PTPRN2: variants seen among roughly 807,000 people sequenced by gnomAD.
PTPRN2 encodes the protein receptor-type tyrosine-protein phosphatase N2.
PTPRN2 carries 74 observed loss-of-function variants against 118.8 expected under a neutral mutation model. That is an observed-to-expected ratio of 0.62 (90% confidence interval 0.52 to 0.76). PTPRN2 has a LOEUF of 0.76. Ranked by LOEUF, PTPRN2 falls within the 30% of genes least tolerant of loss-of-function variation. PTPRN2 has a pLI of 0.00. For synonymous variants in PTPRN2, 641 were observed against 608.0 expected (o/e 1.05, Z -0.80); for missense variants, 1,481 against 1,394.4 (o/e 1.06, Z -0.99).
intron 1 of PTPRN2, among the ~76,000 whole-genome samples, chr7:158,577,066 TG>T (rs1828370053): frequency 1.4e-5 from 2 of 139,930 alleles, no homozygotes; most frequent in South Asian, 2.4e-4. Context: ...CACTGAGGGC[TG>T]CCCACCCTGC....
At chr7:158,317,477 G>A (rs998788548) in intron 2 of PTPRN2, among the ~76,000 whole-genome samples, 1 of 152,212 alleles carries the variant, frequency 6.6e-6, no homozygotes, top group Admixed American at 6.5e-5. Context: ...GGACTAATGG[G>A]GACTAATTTA....
intron 2 of PTPRN2, among the ~76,000 whole-genome samples, chr7:158,369,260 TACAC>T (rs1053762062): frequency 7.2e-5 from 2 of 27,588 alleles, no homozygotes; most frequent in African/African-American, 1.2e-4. Flanking sequence ...TATATATATA[TACAC>T]ACATACACAC....
chr7:158,465,187 A>C lies in PTPRN2; in HGVS notation c.163+24548T>G, dbSNP rs80078375. 3.0e-3 allele frequency among the ~76,000 whole-genome samples: 461 copies of C among 152,268 alleles called. 2 individuals carry two copies. The highest frequency in any genetic ancestry group is 0.01 in the African/African-American group (422 of 41,554). Reference sequence around the variant, plus strand: ...GATACTAAGAGTGCCCATCTTGCAGAGTTTGTGCGAAGTGACACTCTGGTG... The same window carrying C: ...GATACTAAGAGTGCCCATCTTGCAGCGTTTGTGCGAAGTGACACTCTGGTG... On this transcript the variant is annotated intron_variant, in intron 2 of 22. Coordinates refer to ENST00000389418, the MANE Select transcript of PTPRN2 (RefSeq NM_002847.5).
At chr7:158,151,515 C>CTCCCT (rs1821147439) in intron 6 of PTPRN2, among the ~76,000 whole-genome samples, 1 of 12,080 alleles carries the variant, frequency 8.3e-5, no homozygotes, top group Non-Finnish European at 1.9e-4. Context: ...TTCTGCTCCT[C>CTCCCT]ACCGCACGTC....
intron 19 of PTPRN2, among the ~76,000 whole-genome samples, chr7:157,575,313 C>T (rs1799972504): frequency 6.6e-6 from 1 of 152,148 alleles, no homozygotes; most frequent in Non-Finnish European, 1.5e-5. Flanking sequence ...TCCGTATTGA[C>T]AGAATGTACA....
chr7:158,261,252 G>A (rs1461881975), intron 3 of PTPRN2, among the ~76,000 whole-genome samples: 1 of 152,140 alleles, frequency 6.6e-6, no homozygotes, highest in South Asian at 2.1e-4. Context: ...AAGCAGGCCG[G>A]GCAGCGGGAA....
At chr7:157,866,670 C>T (rs1044030693) in intron 12 of PTPRN2, among the ~76,000 whole-genome samples, 2 of 152,042 alleles carry the variant, frequency 1.3e-5, no homozygotes, top group Admixed American at 6.5e-5. Context: ...GGCTGTCTGG[C>T]CCGAGTCCCA....
intron 6 of PTPRN2, among the ~76,000 whole-genome samples, chr7:158,149,143 T>TAC (rs1820605737): frequency 2.5e-5 from 2 of 78,714 alleles, no homozygotes; most frequent in Non-Finnish European, 5.5e-5. Context: ...TCACGCCACG[T>TAC]GTCTTTCCCC....
At chr7:157,952,464 G>A (rs1342368886) in intron 11 of PTPRN2, among the ~76,000 whole-genome samples, 2 of 128,286 alleles carry the variant, frequency 1.6e-5, no homozygotes, top group Non-Finnish European at 3.8e-5. Context: ...CCTGAGACGG[G>A]GTGGGGGACA....
rs112215958 is a variant in PTPRN2 at position 157,833,422 on chromosome 7, T to A, written c.1788+65251A>T. ...GGGGGCGCCCATCCATCCTGTATGATGGTGAACTTGTCCAGGAGCGAGATG... is the reference window on the plus strand; with the variant it reads ...GGGGGCGCCCATCCATCCTGTATGAAGGTGAACTTGTCCAGGAGCGAGATG... On this transcript the variant is annotated intron_variant, in intron 12 of 22. Transcript: ENST00000389418. Among the ~76,000 whole-genome samples, 256 of 131,948 alleles carry A rather than the reference T, an allele frequency of 1.9e-3. 3 individuals carry two copies. In the South Asian group the frequency reaches 0.031, roughly 16 times the overall value. The allele number at this position is 131,948 out of a possible 152,430, so 86.6% of individuals were successfully genotyped here.
chr7:158,080,659 G>C lies in PTPRN2; in HGVS notation c.1723+639C>G, dbSNP rs554687224. On this transcript the variant is annotated intron_variant, in intron 11 of 22. Transcript: ENST00000389418. ...ATTCTGTTCTTCAAGACTCTGGAGA[G>C]TAAAGCTTTGTGTTTTTCACTCAAT... is the stretch of plus-strand genomic sequence containing the variant. Among the ~76,000 whole-genome samples the C allele has an allele frequency of 2.6e-5, 4 of 151,188 alleles. 1 individual carries two copies. The highest frequency in any genetic ancestry group is 9.7e-5 in the African/African-American group (4 of 41,154).
intron 2 of PTPRN2, among the ~76,000 whole-genome samples, chr7:158,462,297 C>T (rs968248506): frequency 8.5e-5 from 13 of 152,218 alleles, no homozygotes; most frequent in African/African-American, 3.1e-4. Context: ...TGACCACCTC[C>T]CTCCCAGCAG....
At chr7:157,809,114 T>C (rs914964780) in intron 12 of PTPRN2, among the ~76,000 whole-genome samples, 2 of 152,258 alleles carry the variant, frequency 1.3e-5, no homozygotes, top group African/African-American at 4.8e-5. Flanking sequence ...AACATGAATT[T>C]TGTGGGTACT....
intron 9 of PTPRN2, among the ~76,000 whole-genome samples, chr7:158,125,891 G>A (rs890912513): frequency 1.3e-5 from 2 of 152,154 alleles, no homozygotes; most frequent in African/African-American, 4.8e-5. Flanking sequence ...GCTGCACCCC[G>A]TCCTGGCACC....
At chr7:158,037,799 T>C (rs149991616) in intron 11 of PTPRN2, among the ~76,000 whole-genome samples, 1,586 of 152,274 alleles carry the variant, frequency 0.01, 26 homozygotes, top group African/African-American at 0.036. Context: ...ATAAGGGACA[T>C]GTAGATAATT....
chr7:157,982,009 G>T (rs1803206129), intron 11 of PTPRN2, among the ~76,000 whole-genome samples: 2 of 151,188 alleles, frequency 1.3e-5, no homozygotes, highest in East Asian at 1.9e-4. Flanking sequence ...TAGAGACAAG[G>T]AGGGGAATGC....
intron 11 of PTPRN2, among the ~76,000 whole-genome samples, chr7:158,018,407 T>C (rs1193823384): frequency 6.6e-6 from 1 of 152,230 alleles, no homozygotes; most frequent in African/African-American, 2.4e-5. Context: ...CGGGAGCATA[T>C]AAATCCCTGT....
chr7:157,627,549 T>C lies in PTPRN2; in HGVS notation c.2197-6040A>G, dbSNP rs1461636828. On this transcript the variant is annotated intron_variant, in intron 14 of 22. Coordinates refer to ENST00000389418, the MANE Select transcript of PTPRN2 (RefSeq NM_002847.5). The surrounding 1 kb of genome is among the most constrained non-coding windows in gnomAD (Gnocchi z 4.2). Reference sequence around the variant, plus strand: ...TCTTTCGTCTTTTAGAGCTGCTTGCTCTATAATTTTGGGTTTTGAAGGGCT... The same window carrying C: ...TCTTTCGTCTTTTAGAGCTGCTTGCCCTATAATTTTGGGTTTTGAAGGGCT... 6.6e-6 allele frequency among the ~76,000 whole-genome samples: 1 copy of C among 152,176 alleles called. No homozygotes were observed. The highest frequency in any genetic ancestry group is 2.4e-5 in the African/African-American group (1 of 41,442).
chr7:158,586,847 G>A (rs2129453206), intron 1 of PTPRN2, among the ~76,000 whole-genome samples: 1 of 152,302 alleles, frequency 6.6e-6, no homozygotes, highest in East Asian at 1.9e-4. Flanking sequence ...ACGAGCGGGG[G>A]GCGCACCCAC....
Sources: gnomAD v4.1 joint callset for allele counts (sites outside exome capture counted in the v4.1 genomes callset) on GRCh38, gnomAD v4.1.1 for gene constraint, Gnocchi (gnomAD v3.1) non-coding constraint, MANE v1.5 for transcripts, NCBI Gene and HGNC (gene_info 2026-07-23, HGNC 2026-07-21) for gene names.